Variants in CELF4 observed in about 807,000 individuals in gnomAD.
The protein encoded by CELF4 is CUG-BP- and ETR-3-like factor 4.
CELF4 carries 18 observed loss-of-function variants against 59.9 expected under a neutral mutation model. The observed-to-expected ratio is 0.30, with a 90% CI of 0.21 to 0.45. The LOEUF is 0.45. CELF4 is among the 20% of genes least tolerant of loss of function. The probability of loss-of-function intolerance (pLI) is 1.00; values close to 1 mark genes in which losing one functional copy is unlikely to be tolerated. For synonymous variants in CELF4, 261 were observed against 267.1 expected (o/e 0.98, Z 0.22); for missense variants, 456 against 689.0 (o/e 0.66, Z 3.79).
intron 3 of CELF4, among the ~76,000 whole-genome samples, chr18:37,308,365 C>A (rs1462433768): frequency 6.6e-6 from 1 of 152,200 alleles, no homozygotes; most frequent in Non-Finnish European, 1.5e-5. Flanking sequence ...ATGGCTTCTG[C>A]ATTCCTGGTC....
chr18:37,414,287 T>G (rs535156286), intron 2 of CELF4, among the ~76,000 whole-genome samples: 1 of 151,614 alleles, frequency 6.6e-6, no homozygotes, highest in Non-Finnish European at 1.5e-5. Context: ...TCTACCCATT[T>G]ACTCTTCCAC....
chr18:37,371,049 C>T (rs563841787), intron 2 of CELF4, among the ~76,000 whole-genome samples: 206 of 152,266 alleles, frequency 1.4e-3, no homozygotes, highest in African/African-American at 4.5e-3. Context: ...CTGTGTTCTT[C>T]GCCTGTCCCT....
intron 12 of CELF4, among the ~76,000 whole-genome samples, chr18:37,247,754 C>T (rs1487765896): frequency 6.6e-6 from 1 of 151,904 alleles, no homozygotes; most frequent in South Asian, 2.1e-4. Context: ...ATCCATCATG[C>T]GTTGGGGAGG....
intron 2 of CELF4, among the ~76,000 whole-genome samples, chr18:37,341,664 A>C (rs11877291): frequency 6.6e-6 from 1 of 152,112 alleles, no homozygotes; most frequent in African/African-American, 2.4e-5. Flanking sequence ...AGCAGAACCT[A>C]TGGGCTGCTG....
Position 37,484,040 on chromosome 18 carries a change from TTC to T in CELF4, c.369+1483_369+1484del, listed in dbSNP as rs773194483. Among the ~76,000 whole-genome samples the T allele has an allele frequency of 1.5e-3, 235 of 152,204 alleles. 1 individual carries two copies. Among genetic ancestry groups the T allele is most frequent in the Admixed American group, 2.0e-3 (30 of 15,298 alleles). On this transcript the variant is annotated intron_variant, in intron 2 of 12. Transcript: ENST00000420428. ...AAATCCTAAACCTCCCCCTCTCACC[TTC>T]TCTCTTTCTGTTTCCCCTTCTGATT...
rs899343314 is a variant in CELF4 at position 37,246,310 on chromosome 18, TA to T, written c.*45-1114del. Among the ~76,000 whole-genome samples, 7 of 152,102 alleles carry T rather than the reference TA, an allele frequency of 4.6e-5. No homozygotes were observed. The highest frequency in any genetic ancestry group is 1.7e-4 in the African/African-American group (7 of 41,430). Reference sequence around the variant, plus strand: ...ACACCAAATAAAATAATAATAAAATTAAAAAACACTTGTCAAGGACCCTTTT... The same window carrying T: ...ACACCAAATAAAATAATAATAAAATTAAAAACACTTGTCAAGGACCCTTTT... On this transcript the variant is annotated intron_variant, in intron 12 of 12. Coordinates refer to ENST00000420428, the MANE Select transcript of CELF4 (RefSeq NM_020180.4). The surrounding 1 kb of genome is among the most constrained non-coding windows in gnomAD (Gnocchi z 5.3).
chr18:37,285,052 A>T (rs2094594427), intron 3 of CELF4, among the ~76,000 whole-genome samples: 1 of 151,998 alleles, frequency 6.6e-6, no homozygotes, highest in Non-Finnish European at 1.5e-5. Context: ...CAATAACCAC[A>T]TTGCTTTTTG....
At chr18:37,324,088 C>CACCACACA (rs1468499437) in intron 2 of CELF4, among the ~76,000 whole-genome samples, 2 of 152,176 alleles carry the variant, frequency 1.3e-5, no homozygotes, top group African/African-American at 4.8e-5. Context: ...GTACCACTCC[C>CACCACACA]ACCACACATC....
chr18:37,261,141 CTCTT>C (rs1244069588), intron 10 of CELF4, among the ~76,000 whole-genome samples: 1 of 152,182 alleles, frequency 6.6e-6, no homozygotes. Flanking sequence ...TGGGGTGGGG[CTCTT>C]TCTCTTTTAT....
At chr18:37,415,360 C>T (rs1284884144) in intron 2 of CELF4, among the ~76,000 whole-genome samples, 1 of 152,186 alleles carries the variant, frequency 6.6e-6, no homozygotes, top group Non-Finnish European at 1.5e-5. Context: ...CTTTCTTTCC[C>T]ATCACCTCAC....
intron 2 of CELF4, among the ~76,000 whole-genome samples, chr18:37,470,889 A>T (rs375488667): frequency 1.2e-3 from 109 of 94,312 alleles, no homozygotes; most frequent in African/African-American, 4.2e-3. Context: ...TGTGTGTGTG[A>T]CAGAGAGAGA....
In CELF4 at chr18:37,565,407, T is replaced by C; in HGVS notation, c.235A>G (p.Lys79Glu). The C allele has an allele frequency of 6.2e-7, 1 of 1,611,320 alleles. No homozygotes were observed. The part of the protein sequence containing the change: ...DLKPLFEEFG[K>E]IYELTVLKDR... ...TTCAGAACCGTAAGCTCGTAGATTT[T>C]GCCAAACTCCTCGAAGAGGGGCTTG... Residue 79 changes from lysine (K) to glutamate (E), a missense_variant, in exon 1 of 13, where the codon AAA (lysine) becomes GAA (glutamate). Coordinates refer to ENST00000420428, the MANE Select transcript of CELF4 (RefSeq NM_020180.4).
intron 2 of CELF4, among the ~76,000 whole-genome samples, chr18:37,373,782 G>A (rs2098932184): frequency 1.3e-5 from 2 of 152,200 alleles, no homozygotes; most frequent in Non-Finnish European, 2.9e-5. Flanking sequence ...TGCCAGCAAT[G>A]TGCAGAGGAT....
At chr18:37,355,823 C>T (rs751685576) in intron 2 of CELF4, among the ~76,000 whole-genome samples, 3 of 152,230 alleles carry the variant, frequency 2.0e-5, no homozygotes, top group Non-Finnish European at 2.9e-5. Context: ...CCAAAACTGG[C>T]TTCCCTGGGC....
intron 1 of CELF4, among the ~76,000 whole-genome samples, chr18:37,537,935 C>T (rs1726695656): frequency 6.6e-6 from 1 of 152,224 alleles, no homozygotes; most frequent in African/African-American, 2.4e-5. Context: ...GGGCTCACCC[C>T]ACGGGGCTGT....
At chr18:37,325,749 G>A (rs1043646321) in intron 2 of CELF4, among the ~76,000 whole-genome samples, 2 of 152,228 alleles carry the variant, frequency 1.3e-5, no homozygotes, top group African/African-American at 4.8e-5. Flanking sequence ...CACCTATGGG[G>A]TGCTCTAAAC....
chr18:37,488,902 C>T (rs1014893511), intron 1 of CELF4, among the ~76,000 whole-genome samples: 2 of 152,208 alleles, frequency 1.3e-5, no homozygotes, highest in African/African-American at 4.8e-5. Flanking sequence ...CAGGGCCCAC[C>T]CCAGCGTCCT....
chr18:37,489,001 C>G (rs1324239746), intron 1 of CELF4, among the ~76,000 whole-genome samples: 1 of 152,218 alleles, frequency 6.6e-6, no homozygotes, highest in Non-Finnish European at 1.5e-5. Flanking sequence ...ACAGACTTCA[C>G]TAAGTGCAGA....
intron 1 of CELF4, among the ~76,000 whole-genome samples, chr18:37,562,002 GC>G (rs2099986678): frequency 6.6e-6 from 1 of 152,074 alleles, no homozygotes; most frequent in Non-Finnish European, 1.5e-5. Flanking sequence ...TTAATTCTGG[GC>G]TTTTTTCTTC....
Sources: gnomAD v4.1 joint callset for allele counts (sites outside exome capture counted in the v4.1 genomes callset) on GRCh38, gnomAD v4.1.1 for gene constraint, Gnocchi (gnomAD v3.1) non-coding constraint, MANE v1.5 for transcripts, NCBI Gene and HGNC (gene_info 2026-07-23, HGNC 2026-07-21) for gene names.